ARID4B: variants seen among roughly 807,000 people sequenced by gnomAD.
ARID4B encodes AT-rich interactive domain-containing protein 4B.
A neutral mutation model predicts 147.5 loss-of-function variants in ARID4B; 26 were observed. That is an observed-to-expected ratio of 0.18 (90% CI 0.13 to 0.24). ARID4B has a LOEUF of 0.24. ARID4B is among the 10% of genes least tolerant of loss of function. The probability of loss-of-function intolerance (pLI) is 1.00; values close to 1 mark genes in which losing one functional copy is unlikely to be tolerated. For missense variants in ARID4B, 1,179 were observed against 1,511.5 expected (o/e 0.78, Z 3.65); for synonymous variants, 512 against 507.9 (o/e 1.01, Z -0.11).
At chr1:235,308,993 C>T (rs767231794) in intron 2 of ARID4B, among the ~76,000 whole-genome samples, 57 of 150,202 alleles carry the variant, frequency 3.8e-4, no homozygotes, top group Non-Finnish European at 6.9e-4. Flanking sequence ...AAGTGACGAG[C>T]GTCTCTGCCC....
At chr1:235,248,974 G>T (rs1438091791) in intron 6 of ARID4B, among the ~76,000 whole-genome samples, 1 of 152,186 alleles carries the variant, frequency 6.6e-6, no homozygotes, top group Non-Finnish European at 1.5e-5. Flanking sequence ...AGAAAATATG[G>T]AACTGGGATT....
intron 16 of ARID4B, among the ~76,000 whole-genome samples, chr1:235,214,943 G>A (rs1466675516): frequency 2.1e-5 from 3 of 144,662 alleles, no homozygotes; most frequent in South Asian, 4.4e-4. Context: ...CCAGGTTCAA[G>A]CGATTCTCCT....
At chr1:235,195,276 C>T (rs1254127498) in intron 18 of ARID4B, among the ~76,000 whole-genome samples, 1 of 151,910 alleles carries the variant, frequency 6.6e-6, no homozygotes, top group Admixed American at 6.6e-5. Flanking sequence ...TAAGTAAATC[C>T]TCATGGCATT....
intron 17 of ARID4B, among the ~76,000 whole-genome samples, chr1:235,211,760 A>G (rs1246817562): frequency 6.6e-6 from 1 of 152,110 alleles, no homozygotes; most frequent in Non-Finnish European, 1.5e-5. Flanking sequence ...TTAAACTAAC[A>G]TATTCTACAT....
chr1:235,178,684 A>G (rs925880433), intron 20 of ARID4B, among the ~76,000 whole-genome samples: 23 of 152,124 alleles, frequency 1.5e-4, no homozygotes, highest in Non-Finnish European at 3.1e-4. Flanking sequence ...TGTCTAATTC[A>G]TATATGTTAT....
At chr1:235,221,886 A>ATTTTTTTTTTTTTTTTTTTT (rs768600040) in intron 13 of ARID4B, among the ~76,000 whole-genome samples, 2 of 53,660 alleles carry the variant, frequency 3.7e-5, no homozygotes, top group African/African-American at 8.7e-5. Flanking sequence ...TCATTTGACT[A>ATTTTTTTTTTTTTTTTTTTT]TTTTTTTTTT....
chr1:235,211,503 A>G (rs1666718893), intron 17 of ARID4B, among the ~76,000 whole-genome samples: 1 of 152,204 alleles, frequency 6.6e-6, no homozygotes, highest in African/African-American at 2.4e-5. Context: ...AATCAGAAAA[A>G]CTAAAAAGAG....
At chr1:235,284,429 A>G (rs550883084) in intron 2 of ARID4B, among the ~76,000 whole-genome samples, 1 of 152,330 alleles carries the variant, frequency 6.6e-6, no homozygotes, top group Non-Finnish European at 1.5e-5. Flanking sequence ...TGATGATGCA[A>G]TGTGATGAAT....
intron 11 of ARID4B, 88 bp from the exon 12 acceptor site, chr1:235,224,863 G>T: frequency 2.3e-6 from 2 of 886,720 alleles, no homozygotes; most frequent in Non-Finnish European, 3.5e-6. Flanking sequence ...AAAGACTAGT[G>T]TTCATTAAAA....
At chr1:235,308,406 C>T (rs928340917) in intron 2 of ARID4B, among the ~76,000 whole-genome samples, 3 of 151,810 alleles carry the variant, frequency 2.0e-5, no homozygotes, top group Admixed American at 6.6e-5. Context: ...CGCTCCCAGC[C>T]TGATTTTTTC....
intron 8 of ARID4B, among the ~76,000 whole-genome samples, chr1:235,238,758 A>C (rs2103068187): frequency 6.6e-6 from 1 of 152,094 alleles, no homozygotes; most frequent in African/African-American, 2.4e-5. Flanking sequence ...CAGGAGGCTG[A>C]GGTGGGAGAA....
chr1:235,193,890 A>C (rs571494561), intron 19 of ARID4B, 123 bp downstream of exon 19: 1 of 668,812 alleles, frequency 1.5e-6, no homozygotes, highest in Non-Finnish European at 2.5e-6. Flanking sequence ...ACCTGTAATA[A>C]GAGAGCAAAC....
chr1:235,253,619 G>A (rs564620106), intron 5 of ARID4B, among the ~76,000 whole-genome samples: 2 of 152,148 alleles, frequency 1.3e-5, no homozygotes, highest in East Asian at 3.9e-4. Context: ...CAATAAAGTA[G>A]GGGAAAAATT....
intron 2 of ARID4B, among the ~76,000 whole-genome samples, chr1:235,311,147 A>C (rs970229480): frequency 6.6e-6 from 1 of 152,038 alleles, no homozygotes; most frequent in African/African-American, 2.4e-5. Flanking sequence ...TTCACAGGGC[A>C]AGAGTTCAAG....
intron 13 of ARID4B, among the ~76,000 whole-genome samples, chr1:235,222,714 G>A (rs1199232378): frequency 7.5e-6 from 1 of 134,030 alleles, no homozygotes; most frequent in African/African-American, 2.8e-5. Flanking sequence ...GTCTCATTCT[G>A]TCACGCAGGC....
chr1:235,323,180 G>A (rs1674969428), intron 2 of ARID4B, among the ~76,000 whole-genome samples: 1 of 151,842 alleles, frequency 6.6e-6, no homozygotes, highest in Non-Finnish European at 1.5e-5. Flanking sequence ...TGGGAATACA[G>A]GCATGCGCCA....
intron 2 of ARID4B, among the ~76,000 whole-genome samples, chr1:235,296,739 A>C: frequency 6.9e-6 from 1 of 145,018 alleles, no homozygotes; most frequent in African/African-American, 2.5e-5. Flanking sequence ...AGGTTACAGG[A>C]GTGAGCCACC....
At chr1:235,210,385 C>T (rs1298386752) in intron 17 of ARID4B, among the ~76,000 whole-genome samples, 1 of 151,974 alleles carries the variant, frequency 6.6e-6, no homozygotes, top group East Asian at 1.9e-4. Flanking sequence ...TCCAATTTCA[C>T]ATCTGTTAAG....
At chr1:235,272,280 T>C (rs185440820) in intron 2 of ARID4B, among the ~76,000 whole-genome samples, 10 of 152,276 alleles carry the variant, frequency 6.6e-5, no homozygotes, top group Admixed American at 2.6e-4. Flanking sequence ...AAAGTGACCA[T>C]TTTATACCAT....
Sources: gnomAD v4.1 joint callset for allele counts (sites outside exome capture counted in the v4.1 genomes callset) on GRCh38, gnomAD v4.1.1 for gene constraint, MANE v1.5 for transcripts, NCBI Gene and HGNC (gene_info 2026-07-23, HGNC 2026-07-21) for gene names.